The following SGIP1 variants were observed in gnomAD, a reference collection of about 807,000 sequenced individuals.
SGIP1 encodes SH3-containing GRB2-like protein 3-interacting protein 1.
In SGIP1, 38 loss-of-function variants were observed where a neutral mutation model predicts 107.5. That is an observed-to-expected ratio of 0.35 (90% CI 0.27 to 0.46). The LOEUF is 0.46. Among genes scored for constraint, SGIP1 ranks in the 20% least tolerant of loss-of-function variants. The pLI, the probability that SGIP1 is intolerant of heterozygous loss-of-function variation, is 1.00. For synonymous variants in SGIP1, 365 were observed against 366.1 expected (o/e 1.00, Z 0.03); for missense variants, 929 against 1,019.5 (o/e 0.91, Z 1.21).
In SGIP1 at chr1:66,643,615, A is replaced by G; in HGVS notation, c.355A>G (p.Ile119Val). 3 of 1,610,708 alleles carry G rather than the reference A, an allele frequency of 1.9e-6. No individual in the cohort carries two copies. Among genetic ancestry groups the G allele is most frequent in the South Asian group, 1.1e-5 (1 of 90,114 alleles). Residue 119 changes from isoleucine (I) to valine (V), a missense_variant, in exon 7 of 25, where the codon ATC becomes GTC. This residue lies in a region of SGIP1 where 588 missense variants were observed against 588.6 expected (regional missense o/e 1.00). Coordinates refer to ENST00000371037, the MANE Select transcript of SGIP1 (RefSeq NM_032291.4). ...EEEESHKKFN[I>V]KIKPLQSKDI... The stretch of plus-strand genomic sequence containing the variant: ...AGAAGAATCACATAAGAAATTTAAT[A>G]TCAAGATTAAACCATTGCAATCTAA...
chr1:66,611,674 G>C (rs1276961778), intron 1 of SGIP1, among the ~76,000 whole-genome samples: 1 of 152,192 alleles, frequency 6.6e-6, no homozygotes, highest in Non-Finnish European at 1.5e-5. Context: ...GATGGGAGAA[G>C]TCTATGTGAA....
At chr1:66,572,455 T>C (rs866284982) in intron 1 of SGIP1, among the ~76,000 whole-genome samples, 1 of 152,086 alleles carries the variant, frequency 6.6e-6, no homozygotes, top group South Asian at 2.1e-4. Context: ...TCTACCTAAT[T>C]GCTTTGTGTT....
chr1:66,570,484 G>T (rs557560914), intron 1 of SGIP1, among the ~76,000 whole-genome samples: 57 of 151,966 alleles, frequency 3.8e-4, no homozygotes, highest in African/African-American at 1.3e-3. Context: ...CAAATGTCTT[G>T]CAGGTAAGTT....
intron 1 of SGIP1, among the ~76,000 whole-genome samples, chr1:66,554,076 C>T (rs1004436166): frequency 2.0e-5 from 3 of 152,130 alleles, no homozygotes; most frequent in South Asian, 4.1e-4. Flanking sequence ...CCTGTACCAA[C>T]CAAACATACT....
chr1:66,638,051 G>C (rs1232161282), intron 4 of SGIP1, among the ~76,000 whole-genome samples: 2 of 151,862 alleles, frequency 1.3e-5, no homozygotes, highest in Middle Eastern at 3.4e-3. Flanking sequence ...AAATTCATGA[G>C]TTTACTTTTC....
chr1:66,713,819 T>G (rs779046995), intron 18 of SGIP1, among the ~76,000 whole-genome samples: 5 of 152,136 alleles, frequency 3.3e-5, no homozygotes, highest in Non-Finnish European at 5.9e-5. Context: ...CTTTATCTCC[T>G]ATTGACACAA....
intron 15 of SGIP1, chr1:66,684,284 A>AC: frequency 1.3e-6 from 2 of 1,499,416 alleles, no homozygotes; most frequent in Admixed American, 2.0e-5. Context: ...TTGACTACTG[A>AC]CACCCATCTA....
intron 19 of SGIP1, among the ~76,000 whole-genome samples, chr1:66,721,748 A>G (rs1393587057): frequency 6.6e-6 from 1 of 152,130 alleles, no homozygotes; most frequent in Non-Finnish European, 1.5e-5. Flanking sequence ...TCAGGAGTGA[A>G]TGTATATACC....
chr1:66,633,838 G>T (rs1394765952), intron 3 of SGIP1, among the ~76,000 whole-genome samples: 1 of 152,108 alleles, frequency 6.6e-6, no homozygotes, highest in Admixed American at 6.5e-5. Context: ...GGCTCATTGG[G>T]CTGGAGTGGG....
intron 1 of SGIP1, among the ~76,000 whole-genome samples, chr1:66,547,668 C>T (rs1055916208): frequency 3.3e-5 from 5 of 152,040 alleles, no homozygotes; most frequent in Admixed American, 2.0e-4. Flanking sequence ...GAGACACAGG[C>T]GAGCAAGACA....
At chr1:66,548,144 GC>G (rs2056755630) in intron 1 of SGIP1, among the ~76,000 whole-genome samples, 1 of 152,162 alleles carries the variant, frequency 6.6e-6, no homozygotes, top group Admixed American at 6.5e-5. Context: ...AGAAGGTCAT[GC>G]TTTTGCTTGC....
intron 5 of SGIP1, among the ~76,000 whole-genome samples, chr1:66,640,184 T>TA (rs1331615900): frequency 6.6e-6 from 1 of 152,192 alleles, no homozygotes; most frequent in Non-Finnish European, 1.5e-5. Flanking sequence ...CCCCCACACA[T>TA]ATCAGCTGTG....
At chr1:66,742,057 G>A (rs1206828710) in intron 24 of SGIP1, among the ~76,000 whole-genome samples, 1 of 152,130 alleles carries the variant, frequency 6.6e-6, no homozygotes, top group Non-Finnish European at 1.5e-5. Context: ...GTGAGCCACC[G>A]CACCCAGCCT....
At chr1:66,666,722 C>A (rs1055523693) in intron 8 of SGIP1, 1 of 152,172 alleles carries the variant, frequency 6.6e-6, no homozygotes, top group African/African-American at 2.4e-5. Flanking sequence ...GTATTTTATT[C>A]TCTTTGAAGC....
rs542775441 is a variant in SGIP1, at chr1:66,748,989, C to A, written c.*5894C>A. 6.6e-6 allele frequency among the ~76,000 whole-genome samples: 1 copy of A among 151,746 alleles called. No individual in the cohort carries two copies. The highest frequency in any genetic ancestry group is 2.1e-4 in the South Asian group (1 of 4,808). On this transcript the variant is annotated 3_prime_UTR_variant, in exon 25 of 25. Coordinates refer to ENST00000371037, the MANE Select transcript of SGIP1 (RefSeq NM_032291.4). Reference sequence around the variant, plus strand: ...CTTCAATAATTGTAAATAAAATAACCAGGAATGCTTTGAAAAAAATGCTTC... The same window carrying A: ...CTTCAATAATTGTAAATAAAATAACAAGGAATGCTTTGAAAAAAATGCTTC...
intron 7 of SGIP1, among the ~76,000 whole-genome samples, chr1:66,648,450 G>A (rs2078066710): frequency 6.6e-6 from 1 of 152,124 alleles, no homozygotes; most frequent in African/African-American, 2.4e-5. Context: ...CAGAACCATG[G>A]CATGTCACCA....
chr1:66,571,227 G>C lies in SGIP1; in HGVS notation c.10+36859G>C, dbSNP rs1388126983. On this transcript the variant is annotated intron_variant, in intron 1 of 24. Transcript: ENST00000371037. ...AACAGACAAATGGAGTATATGAAAA[G>C]GTCCTAGGACATTACATCAGGTTTC... Among the ~76,000 whole-genome samples the C allele has an allele frequency of 2.0e-5, 3 of 151,944 alleles. No individual in the cohort carries two copies. The East Asian group carries it at 5.8e-4, about 29-fold the overall frequency.
chr1:66,640,078 A>G (rs2076494689), intron 5 of SGIP1, among the ~76,000 whole-genome samples: 1 of 152,154 alleles, frequency 6.6e-6, no homozygotes, highest in Admixed American at 6.6e-5. Flanking sequence ...CTGATCAGCT[A>G]TTGTTAATGT....
In SGIP1 at chr1:66,624,399, C is replaced by T. The variant is rs143657430; in HGVS notation, c.11-1448C>T. ...GGGTGGGTAGTTTTAAATGTCAATACATTTTCCTATAAACTCCTCATGTGG... is the reference window on the plus strand; with the variant it reads ...GGGTGGGTAGTTTTAAATGTCAATATATTTTCCTATAAACTCCTCATGTGG... On this transcript the variant is annotated intron_variant, in intron 1 of 24. Coordinates refer to ENST00000371037, the MANE Select transcript of SGIP1 (RefSeq NM_032291.4). 3.6e-3 allele frequency among the ~76,000 whole-genome samples: 541 copies of T among 152,238 alleles called. 6 individuals are homozygous for T. Among genetic ancestry groups the T allele is most frequent in the African/African-American group, 0.012 (516 of 41,562 alleles).
Sources: allele counts gnomAD v4.1 joint callset (sites outside exome capture counted in the v4.1 genomes callset), GRCh38; gene constraint gnomAD v4.1.1; regional missense constraint gnomAD v4.1.1; transcripts MANE v1.5; gene names NCBI Gene and HGNC (gene_info 2026-07-23, HGNC 2026-07-21).